Variants in HECW2 observed in about 807,000 individuals in gnomAD.
HECW2 encodes the protein HECT, C2 and WW domain containing E3 ubiquitin protein ligase 2.
In HECW2, 61 loss-of-function variants were observed where a neutral mutation model predicts 175.2. That is an observed-to-expected ratio of 0.35 (90% CI 0.28 to 0.43). The LOEUF is 0.43. HECW2 is among the 20% of genes least tolerant of loss of function. HECW2 has a pLI of 1.00. For missense variants in HECW2, 1,524 were observed against 2,000.5 expected (o/e 0.76, Z 4.54); for synonymous variants, 671 against 731.0 (o/e 0.92, Z 1.32).
chr2:196,557,375 A>G (rs1689837499), intron 1 of HECW2, among the ~76,000 whole-genome samples: 1 of 151,930 alleles, frequency 6.6e-6, no homozygotes, highest in Non-Finnish European at 1.5e-5. Flanking sequence ...AGCCTGGGCA[A>G]CAAGAGCAAA....
intron 2 of HECW2, among the ~76,000 whole-genome samples, chr2:196,432,548 G>C (rs916454956): frequency 5.3e-5 from 8 of 152,192 alleles, no homozygotes; most frequent in African/African-American, 1.9e-4. Context: ...TAGCTAAACA[G>C]AGCTGAACTG....
intron 1 of HECW2, among the ~76,000 whole-genome samples, chr2:196,582,176 C>T (rs531970718): frequency 1.3e-5 from 2 of 152,062 alleles, no homozygotes; most frequent in Non-Finnish European, 2.9e-5. Flanking sequence ...GGTTTCTTCA[C>T]CTGGTTTTCA....
At chr2:196,522,506 G>T (rs1206407426) in intron 1 of HECW2, among the ~76,000 whole-genome samples, 6 of 151,306 alleles carry the variant, frequency 4.0e-5, no homozygotes, top group Non-Finnish European at 3.0e-5. Flanking sequence ...GTCAATTTTG[G>T]CTTTTGTTGC....
chr2:196,358,337 G>T (rs1693455446), intron 2 of HECW2, among the ~76,000 whole-genome samples: 2 of 143,052 alleles, frequency 1.4e-5, no homozygotes, highest in South Asian at 4.3e-4. Context: ...ACTTTGGGAG[G>T]CTGAGGCAGG....
intron 1 of HECW2, among the ~76,000 whole-genome samples, chr2:196,501,259 G>A (rs563866165): frequency 1.7e-4 from 26 of 152,214 alleles, no homozygotes; most frequent in Non-Finnish European, 3.5e-4. Flanking sequence ...AGTTGGAAGG[G>A]ATGCCACAAT....
At chr2:196,348,445 C>T (rs760353215) in intron 2 of HECW2, among the ~76,000 whole-genome samples, 18 of 151,936 alleles carry the variant, frequency 1.2e-4, no homozygotes, top group Admixed American at 6.6e-4. Flanking sequence ...AAGTTTGAGA[C>T]CAGCCTGGGC....
intron 2 of HECW2, among the ~76,000 whole-genome samples, chr2:196,393,322 G>T (rs1694566308): frequency 6.6e-6 from 1 of 152,108 alleles, no homozygotes; most frequent in Non-Finnish European, 1.5e-5. Context: ...AAACTAAAGA[G>T]CTTCTGCACA....
chr2:196,354,142 C>T (rs141174130), intron 2 of HECW2, among the ~76,000 whole-genome samples: 184 of 152,358 alleles, frequency 1.2e-3, no homozygotes, highest in African/African-American at 4.1e-3. Context: ...TCTGGAGCCA[C>T]AGGCCAGAGT....
intron 1 of HECW2, among the ~76,000 whole-genome samples, chr2:196,448,383 C>T (rs1273282343): frequency 6.6e-6 from 1 of 152,216 alleles, no homozygotes. Context: ...GTGGATGACA[C>T]AGCTGAGACC....
intron 1 of HECW2, among the ~76,000 whole-genome samples, chr2:196,497,760 A>C (rs1315416154): frequency 3.3e-5 from 5 of 152,158 alleles, no homozygotes; most frequent in African/African-American, 1.2e-4. Flanking sequence ...TCCTTGCAAA[A>C]CCTAGCCATA....
intron 2 of HECW2, among the ~76,000 whole-genome samples, chr2:196,403,784 G>A (rs1694884238): frequency 6.6e-6 from 1 of 152,212 alleles, no homozygotes; most frequent in African/African-American, 2.4e-5. Context: ...CAGATCCTCA[G>A]ATCTTTTGAA....
chr2:196,271,395 T>G (rs750248622), intron 16 of HECW2, 106 bp from the exon 17 acceptor site: 14 of 736,318 alleles, frequency 1.9e-5, no homozygotes, highest in African/African-American at 3.6e-5. Flanking sequence ...GCAATTTTCC[T>G]GCCTCAGGCT....
chr2:196,493,652 C>A (rs972112630), intron 1 of HECW2, among the ~76,000 whole-genome samples: 1 of 152,130 alleles, frequency 6.6e-6, no homozygotes, highest in Non-Finnish European at 1.5e-5. Context: ...TCTTCTTTGT[C>A]AAGGGCTTAA....
chr2:196,336,840 C>T (rs1692566908), intron 3 of HECW2, among the ~76,000 whole-genome samples: 1 of 151,976 alleles, frequency 6.6e-6, no homozygotes, highest in Non-Finnish European at 1.5e-5. Flanking sequence ...ATCCAATCCC[C>T]CCACCCCCAC....
chr2:196,377,018 A>G (rs1694070400), intron 2 of HECW2, among the ~76,000 whole-genome samples: 2 of 152,228 alleles, frequency 1.3e-5, no homozygotes, highest in Admixed American at 6.5e-5. Context: ...TAGAGTTACA[A>G]ACTCTATAAA....
rs114297048 is a variant in HECW2, at chr2:196,351,562, C to T, written c.293-7798G>A. ...TCAACCCAGGAGAGTTAAAAATAGA[C>T]GAGAAATTTTTTGAGAAAGATGCCA... On this transcript the variant is annotated intron_variant, in intron 2 of 28. Coordinates refer to ENST00000644978, the MANE Select transcript of HECW2 (RefSeq NM_001348768.2). Among the ~76,000 whole-genome samples the T allele has an allele frequency of 3.6e-3, 551 of 152,162 alleles. 3 individuals are homozygous for T. Among genetic ancestry groups the T allele is most frequent in the African/African-American group, 0.012 (510 of 41,522 alleles).
At chr2:196,350,720 A>G (rs1224654406) in intron 2 of HECW2, among the ~76,000 whole-genome samples, 1 of 152,290 alleles carries the variant, frequency 6.6e-6, no homozygotes, top group East Asian at 1.9e-4. Flanking sequence ...AAGGGGGGAT[A>G]TTTCCTGCCA....
chr2:196,196,038 T>C lies in HECW2; in HGVS notation c.*5239A>G, dbSNP rs1160495172. The C allele has an allele frequency of 1.3e-5, 2 of 152,084 alleles. No individual in the cohort carries two copies. Among genetic ancestry groups the C allele is most frequent in the African/African-American group, 4.8e-5 (2 of 41,382 alleles). The allele number at this position is 152,084 out of a possible 1,614,324, so 9.4% of individuals were successfully genotyped here. A position where few individuals can be genotyped will look rare whatever the true frequency, so the allele number is the denominator to read the frequency against. ...AGCCCTAAGATGATCCATCTACCGTTGTTTTAACTTTCCCTCCACTACACT... is the reference window on the plus strand; with the variant it reads ...AGCCCTAAGATGATCCATCTACCGTCGTTTTAACTTTCCCTCCACTACACT... On this transcript the variant is annotated 3_prime_UTR_variant, in exon 29 of 29. Coordinates refer to ENST00000644978, the MANE Select transcript of HECW2 (RefSeq NM_001348768.2).
intron 1 of HECW2, among the ~76,000 whole-genome samples, chr2:196,556,634 T>C (rs2125492904): frequency 6.6e-6 from 1 of 152,336 alleles, no homozygotes; most frequent in Non-Finnish European, 1.5e-5. Context: ...TATTACTTTT[T>C]GCCTGGCAAT....
Sources: gnomAD v4.1 joint callset for allele counts (sites outside exome capture counted in the v4.1 genomes callset) on GRCh38, gnomAD v4.1.1 for gene constraint, MANE v1.5 for transcripts, NCBI Gene and HGNC (gene_info 2026-07-23, HGNC 2026-07-21) for gene names.